KDM4C: variants seen among roughly 807,000 people sequenced by gnomAD.
The protein encoded by KDM4C is lysine-specific demethylase 4C.
A neutral mutation model predicts 129.3 loss-of-function variants in KDM4C; 81 were observed. The observed-to-expected ratio is 0.63, with a 90% CI of 0.52 to 0.75. KDM4C has a LOEUF of 0.75. Ranked by LOEUF, KDM4C falls within the 30% of genes least tolerant of loss-of-function variation. The probability of loss-of-function intolerance (pLI) is 0.00; values close to 1 mark genes in which losing one functional copy is unlikely to be tolerated. For synonymous variants in KDM4C, 573 were observed against 456.1 expected, an observed-to-expected ratio of 1.26 and a Z score of -3.26; for missense variants, 1,457 against 1,304.0, an observed-to-expected ratio of 1.12 and a Z score of -1.81.
chr9:6,877,459 C>G (rs1843734841), intron 5 of KDM4C, among the ~76,000 whole-genome samples: 1 of 152,206 alleles, frequency 6.6e-6, no homozygotes. Context: ...CTCGACCTCC[C>G]AAAGTGCTGG....
At chr9:6,807,800 G>GA (rs1830326052) in intron 3 of KDM4C, among the ~76,000 whole-genome samples, 1 of 145,908 alleles carries the variant, frequency 6.9e-6, no homozygotes, top group African/African-American at 2.6e-5. Flanking sequence ...TGGGGGGGGG[G>GA]TCAGCCCCCC....
chr9:6,741,376 C>G (rs185780173), intron 1 of KDM4C, among the ~76,000 whole-genome samples: 5 of 152,186 alleles, frequency 3.3e-5, no homozygotes, highest in African/African-American at 7.2e-5. Flanking sequence ...GCCTGGGCAA[C>G]AGAGCGAGAC....
rs530065816 is a variant in KDM4C, at chr9:7,155,362, T to A, written c.2782-9876T>A. 2.7e-3 allele frequency among the ~76,000 whole-genome samples: 411 copies of A among 152,324 alleles called. 1 individual carries two copies. Among genetic ancestry groups the A allele is most frequent in the African/African-American group, 8.7e-3 (363 of 41,576 alleles). On this transcript the variant is annotated intron_variant, in intron 19 of 21. Transcript: ENST00000381309. ...TTTTTCAGACCTTTTATTTATTATTTTTTTTTAAATTATACTTTAAGTTCT... is the reference window on the plus strand; with the variant it reads ...TTTTTCAGACCTTTTATTTATTATTATTTTTTAAATTATACTTTAAGTTCT...
At chr9:6,988,419 T>C (rs2760648) in intron 11 of KDM4C, among the ~76,000 whole-genome samples, 124,766 of 151,628 alleles carry the variant, frequency 0.82, 52,127 homozygotes, top group Non-Finnish European at 0.89. Context: ...AGACTGACAG[T>C]AGAGAAACCA....
chr9:6,785,349 T>TG (rs1825251889), intron 1 of KDM4C, among the ~76,000 whole-genome samples: 1 of 151,836 alleles, frequency 6.6e-6, no homozygotes, highest in Non-Finnish European at 1.5e-5. Flanking sequence ...CTCTTTTTTT[T>TG]TTTTTGAGAT....
At chr9:6,950,553 C>A (rs986051325) in intron 8 of KDM4C, among the ~76,000 whole-genome samples, 1 of 152,108 alleles carries the variant, frequency 6.6e-6, no homozygotes, top group African/African-American at 2.4e-5. Context: ...ATTTAAGCTG[C>A]CTCATTGTCC....
intron 6 of KDM4C, among the ~76,000 whole-genome samples, chr9:6,887,067 C>T (rs1444047092): frequency 1.3e-5 from 2 of 152,230 alleles, no homozygotes. Flanking sequence ...CATGTGCCTT[C>T]CTGGTGCCTT....
At chr9:7,044,963 C>G (rs1024682742) in intron 15 of KDM4C, among the ~76,000 whole-genome samples, 1 of 151,922 alleles carries the variant, frequency 6.6e-6, no homozygotes, top group African/African-American at 2.4e-5. Context: ...GAAGGATCAA[C>G]AGTGTTGTAT....
At position 7,174,956 on chromosome 9, in the gene KDM4C, A is replaced by G. The variant is rs984150283; in HGVS notation, c.*227A>G. ...TCTAGTCTTGCTTTCACTTGTGAGC[A>G]GTTGTCTTCTATGATCCCAAAGAAG... On this transcript the variant is annotated 3_prime_UTR_variant, in exon 22 of 22. Coordinates refer to ENST00000381309, the MANE Select transcript of KDM4C (RefSeq NM_015061.6). 9.3e-6 allele frequency: 4 copies of G among 429,678 alleles called. No individual in the cohort carries two copies. The highest frequency in any genetic ancestry group is 1.3e-5 in the Non-Finnish European group (3 of 236,498). The allele number at this position is 429,678 out of a possible 1,614,324, so 26.6% of individuals were successfully genotyped here.
intron 15 of KDM4C, among the ~76,000 whole-genome samples, chr9:7,019,754 T>G: frequency 8.7e-6 from 1 of 114,334 alleles, no homozygotes; most frequent in Admixed American, 9.8e-5. Context: ...AATATTTTTA[T>G]ATATAAAAAT....
intron 8 of KDM4C, among the ~76,000 whole-genome samples, chr9:6,922,346 C>T (rs1194940866): frequency 6.6e-6 from 1 of 152,332 alleles, no homozygotes; most frequent in East Asian, 1.9e-4. Context: ...ATAAGGAAAG[C>T]CACCCTGTTG....
intron 4 of KDM4C, among the ~76,000 whole-genome samples, chr9:6,828,420 T>C (rs1459957567): frequency 6.6e-6 from 1 of 152,054 alleles, no homozygotes; most frequent in Non-Finnish European, 1.5e-5. Flanking sequence ...GTGCTGGGAT[T>C]ACAGGTGTGA....
intron 15 of KDM4C, among the ~76,000 whole-genome samples, chr9:7,016,851 G>T (rs568028688): frequency 6.6e-6 from 1 of 152,018 alleles, no homozygotes; most frequent in Non-Finnish European, 1.5e-5. Context: ...TCCCTATTTT[G>T]CAATACTTGA....
At position 6,888,060 on chromosome 9, in the gene KDM4C, C is replaced by G; in HGVS notation, c.780C>G (p.Asp260Glu). ...TGAAGAAATATGGTATTCCCTTTGACAAGGTATGTTAGTATTCATCTTACA... is the reference window on the plus strand; with the variant it reads ...TGAAGAAATATGGTATTCCCTTTGAGAAGGTATGTTAGTATTCATCTTACA... Reference protein sequence around the residue: ...SVLKKYGIPFDKITQEAGEFM... With the variant: ...SVLKKYGIPFEKITQEAGEFM... Residue 260 changes from aspartate to glutamate, a missense_variant, in exon 7 of 22, where the codon GAC becomes GAG. Transcript: ENST00000381309. The G allele has an allele frequency of 6.6e-7, 1 of 1,505,190 alleles. No homozygotes were observed. The highest frequency in any genetic ancestry group is 1.1e-5 in the South Asian group (1 of 87,394). 93.2% of individuals were successfully genotyped at this position (1,505,190 alleles called of 1,614,324 possible). A position where few individuals can be genotyped will look rare whatever the true frequency, so the allele number is the denominator to read the frequency against.
At chr9:7,074,331 T>A (rs1772828482) in intron 17 of KDM4C, among the ~76,000 whole-genome samples, 1 of 152,070 alleles carries the variant, frequency 6.6e-6, no homozygotes, top group South Asian at 2.1e-4. Flanking sequence ...GCATGGCTAA[T>A]TTTTTTGTAT....
At chr9:6,899,099 C>T (rs1816926015) in intron 8 of KDM4C, among the ~76,000 whole-genome samples, 1 of 150,572 alleles carries the variant, frequency 6.6e-6, no homozygotes, top group African/African-American at 2.4e-5. Context: ...GTTTCTGATT[C>T]CTAGGTTCTG....
intron 8 of KDM4C, among the ~76,000 whole-genome samples, chr9:6,924,054 G>A (rs900994427): frequency 1.4e-4 from 22 of 152,266 alleles, no homozygotes; most frequent in African/African-American, 5.1e-4. Flanking sequence ...GCGAGACAAT[G>A]TTTACTTCTT....
intron 5 of KDM4C, among the ~76,000 whole-genome samples, chr9:6,854,525 CA>C (rs1177446839): frequency 0.017 from 683 of 41,348 alleles, 1 homozygote; most frequent in African/African-American, 0.058. Context: ...AACTCCGTCT[CA>C]AAAAAAAAAA....
At chr9:6,754,078 G>T (rs895417645), upstream of KDM4C, among the ~76,000 whole-genome samples, 1 of 151,726 alleles carries the variant, frequency 6.6e-6, no homozygotes, top group African/African-American at 2.4e-5. Context: ...GTTTCACCGT[G>T]CTAGCCAGGA....
Sources: allele counts gnomAD v4.1 joint callset (sites outside exome capture counted in the v4.1 genomes callset), GRCh38; gene constraint gnomAD v4.1.1; transcripts MANE v1.5; gene names NCBI Gene and HGNC (gene_info 2026-07-23, HGNC 2026-07-21).